The following SS18 variants were observed in gnomAD, a reference collection of about 807,000 sequenced individuals.
SS18 encodes the protein SS18 subunit of BAF chromatin remodeling complex, also known as protein SSXT.
A neutral mutation model predicts 72.5 loss-of-function variants in SS18; 28 were observed. The observed-to-expected ratio is 0.39, with a 90% CI of 0.29 to 0.53. SS18 has a LOEUF of 0.53. Among genes scored for constraint, SS18 ranks in the 20% least tolerant of loss-of-function variants. The probability of loss-of-function intolerance (pLI) is 0.76; values close to 1 mark genes in which losing one functional copy is unlikely to be tolerated. For missense variants in SS18, 518 were observed against 535.3 expected, an observed-to-expected ratio of 0.97 and a Z score of 0.32; for synonymous variants, 172 against 164.2, an observed-to-expected ratio of 1.05 and a Z score of -0.37.
intron 5 of SS18, among the ~76,000 whole-genome samples, chr18:26,050,639 T>C (rs1411125799): frequency 6.6e-6 from 1 of 152,148 alleles, no homozygotes; most frequent in Admixed American, 6.5e-5. Context: ...TGTAATTTTG[T>C]GTTCTTTTGA....
chr18:26,086,351 G>A (rs1022423803), intron 2 of SS18, among the ~76,000 whole-genome samples: 3 of 152,040 alleles, frequency 2.0e-5, no homozygotes, highest in African/African-American at 7.3e-5. Context: ...GTAAAATATG[G>A]CTAATCCAAA....
intron 3 of SS18, among the ~76,000 whole-genome samples, chr18:26,061,779 TAA>T (rs1342721332): frequency 6.6e-6 from 1 of 151,994 alleles, no homozygotes; most frequent in Admixed American, 6.6e-5. Flanking sequence ...ACACTTGTTA[TAA>T]GAGAACAAAA....
chr18:26,056,195 T>C (rs941719979), intron 4 of SS18, among the ~76,000 whole-genome samples: 8 of 152,214 alleles, frequency 5.3e-5, no homozygotes, highest in African/African-American at 1.9e-4. Flanking sequence ...ATGTTAACCA[T>C]AACTGTACTG....
chr18:26,030,350 T>A (rs961253592), intron 10 of SS18, among the ~76,000 whole-genome samples: 8 of 152,192 alleles, frequency 5.3e-5, no homozygotes, highest in Non-Finnish European at 1.2e-4. Context: ...TTCACACTTA[T>A]ATATAATATT....
intron 2 of SS18, chr18:26,082,370 C>A: frequency 1.1e-6 from 1 of 944,586 alleles, no homozygotes; most frequent in Non-Finnish European, 1.3e-6. Flanking sequence ...TACCTAGAAG[C>A]TATGAATATT....
intron 4 of SS18, among the ~76,000 whole-genome samples, chr18:26,055,582 C>T (rs555110193): frequency 2.6e-5 from 4 of 152,138 alleles, no homozygotes; most frequent in South Asian, 2.1e-4. Context: ...ATGAAATATA[C>T]ATTAAAAACC....
At chr18:26,054,597 T>C (rs931754741) in intron 4 of SS18, among the ~76,000 whole-genome samples, 1 of 151,942 alleles carries the variant, frequency 6.6e-6, no homozygotes, top group African/African-American at 2.4e-5. Flanking sequence ...ACATATGGAA[T>C]AAAATAATGG....
chr18:26,018,449 G>C, intron 10 of SS18, 69 bp from the exon 11 acceptor site: 1 of 1,241,158 alleles, frequency 8.1e-7, no homozygotes, highest in African/African-American at 1.5e-5. Flanking sequence ...GATTACAAAC[G>C]AATCATTTCT....
intron 2 of SS18, chr18:26,082,398 G>T: frequency 1.0e-6 from 1 of 957,922 alleles, no homozygotes; most frequent in Non-Finnish European, 1.2e-6. Flanking sequence ...CAACGGGAAT[G>T]CACTTTATAG....
At chr18:26,076,759 G>C (rs1031357338) in intron 3 of SS18, among the ~76,000 whole-genome samples, 2 of 151,796 alleles carry the variant, frequency 1.3e-5, no homozygotes, top group Admixed American at 1.3e-4. Flanking sequence ...CAAATGAAGA[G>C]GCTTCCATTG....
intron 9 of SS18, among the ~76,000 whole-genome samples, chr18:26,034,588 C>CAA (rs60519717): frequency 1.1e-3 from 141 of 133,844 alleles, no homozygotes; most frequent in African/African-American, 3.6e-3. Flanking sequence ...CATTTGTACT[C>CAA]AAAAAAAAAA....
At chr18:26,064,550 A>G (rs2054179272) in intron 3 of SS18, among the ~76,000 whole-genome samples, 1 of 152,126 alleles carries the variant, frequency 6.6e-6, no homozygotes, top group Admixed American at 6.5e-5. Context: ...AAAGAAAAGA[A>G]TTTAATGAAA....
chr18:26,083,296 C>T (rs1301363410), intron 2 of SS18, among the ~76,000 whole-genome samples: 2 of 152,078 alleles, frequency 1.3e-5, no homozygotes, highest in East Asian at 3.9e-4. Flanking sequence ...ATTTTGCTGA[C>T]TCAGTTGGTT....
At chr18:26,083,688 A>C (rs1335903706) in intron 2 of SS18, among the ~76,000 whole-genome samples, 1 of 152,188 alleles carries the variant, frequency 6.6e-6, no homozygotes, top group African/African-American at 2.4e-5. Flanking sequence ...TGGGTATTAT[A>C]GTACAAATAT....
intron 2 of SS18, among the ~76,000 whole-genome samples, chr18:26,083,143 G>A (rs1031552285): frequency 8.6e-5 from 13 of 151,962 alleles, no homozygotes; most frequent in African/African-American, 1.9e-4. Flanking sequence ...CACCAAAAAC[G>A]GCAGAATTTA....
intron 3 of SS18, among the ~76,000 whole-genome samples, chr18:26,074,207 G>A (rs1598603085): frequency 6.6e-6 from 1 of 151,606 alleles, no homozygotes; most frequent in Non-Finnish European, 1.5e-5. Context: ...AATTATACAT[G>A]AGTAAAAATC....
intron 10 of SS18, among the ~76,000 whole-genome samples, chr18:26,019,789 CAAAAAAAAAAAAAAA>C (rs869179852): frequency 2.1e-4 from 13 of 62,542 alleles, no homozygotes; most frequent in African/African-American, 4.0e-4. Flanking sequence ...AACTCTGTCT[CAAAAAAAAAAAAAAA>C]AAAAAAAAAA....
In SS18 at chr18:26,017,663, C is replaced by G. The variant is rs566814307; in HGVS notation, c.*691G>C. ...AGGTTTAATCCACAAAACTGGAAGG[C>G]TTTTAAAAAATGTCTTTTTACTCAA... On this transcript the variant is annotated 3_prime_UTR_variant, in exon 11 of 11. Transcript: ENST00000415083. 3.0e-4 allele frequency: 64 copies of G among 210,338 alleles called. No individual in the cohort carries two copies. Among genetic ancestry groups the G allele is most frequent in the African/African-American group, 1.4e-3 (61 of 44,230 alleles). The allele number at this position is 210,338 out of a possible 1,614,324, so 13.0% of individuals were successfully genotyped here. A position where few individuals can be genotyped will look rare whatever the true frequency, so the allele number is the denominator to read the frequency against.
intron 5 of SS18, among the ~76,000 whole-genome samples, chr18:26,050,981 T>C (rs537783994): frequency 6.6e-6 from 1 of 152,224 alleles, no homozygotes; most frequent in South Asian, 2.1e-4. Flanking sequence ...TTTTTGAAAA[T>C]TGTCTTTAAT....
Sources: allele counts gnomAD v4.1 joint callset (sites outside exome capture counted in the v4.1 genomes callset), GRCh38; gene constraint gnomAD v4.1.1; transcripts MANE v1.5; gene names NCBI Gene and HGNC (gene_info 2026-07-23, HGNC 2026-07-21).